DLGAP1: variants seen among roughly 807,000 people sequenced by gnomAD.
DLGAP1 encodes DLG associated protein 1.
A neutral mutation model predicts 90.8 loss-of-function variants in DLGAP1; 11 were observed. That is an observed-to-expected ratio of 0.12 (90% CI 0.08 to 0.20). The LOEUF (loss-of-function observed/expected upper bound fraction) is 0.20. DLGAP1 is among the 10% of genes least tolerant of loss of function. DLGAP1 has a pLI of 1.00. For missense variants in DLGAP1, 1,050 were observed against 1,333.8 expected (o/e 0.79, Z 3.31); for synonymous variants, 558 against 540.7 (o/e 1.03, Z -0.44).
At chr18:4,400,923 T>G (rs1196907796) in intron 1 of DLGAP1, among the ~76,000 whole-genome samples, 1 of 152,162 alleles carries the variant, frequency 6.6e-6, no homozygotes, top group East Asian at 1.9e-4. Context: ...CTATCCTCCC[T>G]ACTGAAGTTT....
rs78381688 is a variant in DLGAP1, at chr18:4,377,149, C to T, written c.-267+77857G>A. Among the ~76,000 whole-genome samples, 988 of 152,172 alleles carry T rather than the reference C, an allele frequency of 6.5e-3. 11 individuals carry two copies. Among genetic ancestry groups the T allele is most frequent in the African/African-American group, 0.023 (942 of 41,528 alleles). On this transcript the variant is annotated intron_variant, in intron 1 of 12. Transcript: ENST00000315677. ...TCCCATTCTCACACACACACATACA[C>T]GCTTGCACACACACAGTTCAGTCAT...
chr18:4,198,837 A>G (rs1389061308), intron 1 of DLGAP1, among the ~76,000 whole-genome samples: 1 of 152,232 alleles, frequency 6.6e-6, no homozygotes, highest in Non-Finnish European at 1.5e-5. Context: ...AGGTAGAGTC[A>G]CTATAATCCT....
Position 3,499,816 on chromosome 18 carries a change from G to A in DLGAP1, c.2725-422C>T, listed in dbSNP as rs953277299. The stretch of plus-strand genomic sequence containing the variant: ...ATCCCCTCTAAGGATGCAAGTCACC[G>A]GGTGCAAGCTTGGTTCAGAGCTTAA... On this transcript the variant is annotated intron_variant, in intron 12 of 12. Transcript: ENST00000315677. This position sits in a 1 kb window ranked among gnomAD's most constrained non-coding sequence, Gnocchi z 6.4. 7.2e-5 allele frequency among the ~76,000 whole-genome samples: 11 copies of A among 152,080 alleles called. No homozygotes were observed. The highest frequency in any genetic ancestry group is 1.3e-4 in the Non-Finnish European group (9 of 68,026).
chr18:3,627,974 G>A (rs1291580623), intron 7 of DLGAP1, among the ~76,000 whole-genome samples: 2 of 144,958 alleles, frequency 1.4e-5, no homozygotes, highest in Non-Finnish European at 3.0e-5. Flanking sequence ...CACCTCCCCG[G>A]TTCCAGTGAT....
intron 4 of DLGAP1, chr18:3,845,319 A>C (rs1015638663): frequency 1.3e-6 from 2 of 1,592,754 alleles, no homozygotes; most frequent in Non-Finnish European, 8.6e-7. Context: ...AGTGCAGCTG[A>C]GAGCATTTAG....
intron 7 of DLGAP1, among the ~76,000 whole-genome samples, chr18:3,648,900 A>G (rs1003507475): frequency 2.0e-5 from 3 of 152,196 alleles, no homozygotes; most frequent in African/African-American, 7.2e-5. Flanking sequence ...GAGGAGGGTG[A>G]AGGGTAGGTT....
rs181543042 is a variant in DLGAP1, at chr18:4,023,118, T to C, written c.-158-17917A>G. Among the ~76,000 whole-genome samples the C allele has an allele frequency of 4.1e-3, 622 of 152,336 alleles. 4 individuals carry two copies. The highest frequency in any genetic ancestry group is 4.8e-3 in the Non-Finnish European group (328 of 68,032). ...TTAGTTTTTGTCAATCTGATGATTA[T>C]AGACTGACACTTTATCAATGATTTA... On this transcript the variant is annotated intron_variant, in intron 2 of 12. Coordinates refer to ENST00000315677, the MANE Select transcript of DLGAP1 (RefSeq NM_004746.4).
chr18:3,515,448 A>G (rs1440797284), intron 10 of DLGAP1, among the ~76,000 whole-genome samples: 6 of 125,300 alleles, frequency 4.8e-5, no homozygotes, highest in East Asian at 2.5e-4. Flanking sequence ...CAGCCTGGGC[A>G]ACAGAGCGAG....
At chr18:4,171,899 G>A (rs1045647474) in intron 1 of DLGAP1, among the ~76,000 whole-genome samples, 9 of 152,226 alleles carry the variant, frequency 5.9e-5, no homozygotes, top group Middle Eastern at 3.4e-3. Context: ...TACAAACTGC[G>A]TCTTGTCCTG....
chr18:3,619,888 C>T (rs976590219), intron 7 of DLGAP1, among the ~76,000 whole-genome samples: 19 of 151,724 alleles, frequency 1.3e-4, no homozygotes, highest in African/African-American at 2.4e-4. Context: ...CCCATCATTG[C>T]GCACTACAGC....
chr18:3,818,883 C>T (rs1254967244), intron 4 of DLGAP1, among the ~76,000 whole-genome samples: 2 of 151,766 alleles, frequency 1.3e-5, no homozygotes, highest in East Asian at 2.0e-4. Context: ...GGTGAGCCAC[C>T]GTGCCCAGCC....
chr18:3,905,078 C>T (rs148282051), intron 3 of DLGAP1, among the ~76,000 whole-genome samples: 1 of 151,242 alleles, frequency 6.6e-6, no homozygotes, highest in Non-Finnish European at 1.5e-5. Context: ...TTGAAATGTA[C>T]CTGAATAGGC....
chr18:4,200,265 C>A (rs1257728986), intron 1 of DLGAP1, among the ~76,000 whole-genome samples: 5 of 151,854 alleles, frequency 3.3e-5, no homozygotes. Context: ...ATACTATGTA[C>A]CACTCTTTCA....
At chr18:4,277,363 T>C (rs1392522800) in intron 1 of DLGAP1, among the ~76,000 whole-genome samples, 1 of 152,244 alleles carries the variant, frequency 6.6e-6, no homozygotes, top group Non-Finnish European at 1.5e-5. Flanking sequence ...TGTGTGTGTG[T>C]GTGTAAGCTT....
chr18:4,168,447 T>C (rs935705040), intron 1 of DLGAP1, among the ~76,000 whole-genome samples: 2 of 152,144 alleles, frequency 1.3e-5, no homozygotes, highest in African/African-American at 4.8e-5. Context: ...CACAATTACA[T>C]TCTAAGTACA....
At chr18:4,296,926 C>A (rs1309269572) in intron 1 of DLGAP1, among the ~76,000 whole-genome samples, 1 of 152,118 alleles carries the variant, frequency 6.6e-6, no homozygotes, top group South Asian at 2.1e-4. Context: ...TCTTTCATCA[C>A]CAAATAGCAC....
chr18:4,245,899 A>T (rs1364268502), intron 1 of DLGAP1, among the ~76,000 whole-genome samples: 1 of 146,698 alleles, frequency 6.8e-6, no homozygotes, highest in African/African-American at 2.4e-5. Flanking sequence ...GCCCCGACTC[A>T]TCTGTTTTGC....
intron 7 of DLGAP1, among the ~76,000 whole-genome samples, chr18:3,630,775 G>T (rs56206431): frequency 2.0e-5 from 3 of 151,788 alleles, no homozygotes; most frequent in African/African-American, 7.3e-5. Flanking sequence ...GGCTAATTAT[G>T]AATCTTGATG....
At position 4,168,165 on chromosome 18, in the gene DLGAP1, C is replaced by G. The variant is rs536400531; in HGVS notation, c.-266-16878G>C. ...GACAATGAAGTATAGAAATGGAGAA[C>G]TCAATCTACTTATATTCAGGCTTGA... is the stretch of plus-strand genomic sequence containing the variant. On this transcript the variant is annotated intron_variant, in intron 1 of 12. Coordinates refer to ENST00000315677, the MANE Select transcript of DLGAP1 (RefSeq NM_004746.4). 3.3e-5 allele frequency among the ~76,000 whole-genome samples: 5 copies of G among 152,236 alleles called. No individual in the cohort carries two copies. The South Asian group carries it at 1.0e-3, about 32-fold the overall frequency.
Sources: allele counts gnomAD v4.1 joint callset (sites outside exome capture counted in the v4.1 genomes callset), GRCh38; gene constraint gnomAD v4.1.1; non-coding constraint Gnocchi (gnomAD v3.1); transcripts MANE v1.5; gene names NCBI Gene and HGNC (gene_info 2026-07-23, HGNC 2026-07-21).